Variants in MTFR2 observed in about 807,000 individuals in gnomAD.
MTFR2 encodes the protein mitochondrial fission regulator 2.
Under a neutral mutation model 41.2 loss-of-function variants are expected in MTFR2, and 44 were observed. The observed-to-expected ratio is 1.07, with a 90% CI of 0.84 to 1.37. The LOEUF is 1.37. MTFR2 is among the 40% of genes most tolerant of loss of function. MTFR2 has a pLI of 0.00. For synonymous variants in MTFR2, 141 were observed against 154.6 expected (o/e 0.91, Z 0.65); for missense variants, 452 against 459.5 (o/e 0.98, Z 0.15).
intron 5 of MTFR2, among the ~76,000 whole-genome samples, chr6:136,241,036 A>G (rs1204374460): frequency 1.3e-5 from 2 of 151,008 alleles, no homozygotes; most frequent in African/African-American, 2.5e-5. Flanking sequence ...GCTTGCAGTG[A>G]GCCAAGATCG....
intron 4 of MTFR2, 101 bp from the exon 5 acceptor site, chr6:136,241,777 CAAAAT>C: frequency 1.1e-6 from 1 of 916,382 alleles, no homozygotes; most frequent in Non-Finnish European, 1.6e-6. Context: ...GACAATAAAA[CAAAAT>C]AAAAGCTACT....
At chr6:136,233,851 C>CA (rs879267624) in intron 6 of MTFR2, among the ~76,000 whole-genome samples, 1,903 of 134,740 alleles carry the variant, frequency 0.014, 33 homozygotes, top group African/African-American at 0.045. Context: ...GAGTTCATGC[C>CA]AAAAAAAAAA....
chr6:136,242,996 T>C (rs1780121315), intron 3 of MTFR2, 23 bp from the exon 4 acceptor site: 4 of 1,545,744 alleles, frequency 2.6e-6, no homozygotes, highest in African/African-American at 1.4e-5. Context: ...AAGAAAAAAA[T>C]AGTCAGAGCT....
rs528272986 is a variant in MTFR2 at position 136,245,274 on chromosome 6, C to T, written c.64-405G>A. Among the ~76,000 whole-genome samples the T allele has an allele frequency of 7.6e-4, 116 of 151,848 alleles. 1 individual carries two copies. Among genetic ancestry groups the T allele is most frequent in the African/African-American group, 2.6e-3 (106 of 41,382 alleles). On this transcript the variant is annotated intron_variant, in intron 2 of 7. Coordinates refer to ENST00000420702, the MANE Select transcript of MTFR2 (RefSeq NM_001099286.3). ...TAGACAATTTCAAATTATCAAGCAA[C>T]GACGTAATATGGAGTATACTTATGT...
chr6:136,240,426 A>C (rs1452402708), intron 5 of MTFR2, among the ~76,000 whole-genome samples: 1 of 151,694 alleles, frequency 6.6e-6, no homozygotes, highest in Non-Finnish European at 1.5e-5. Flanking sequence ...ACACTGTATA[A>C]ATATCTTAAA....
intron 2 of MTFR2, among the ~76,000 whole-genome samples, chr6:136,248,287 C>T (rs779356173): frequency 1.2e-4 from 18 of 152,186 alleles, no homozygotes; most frequent in Non-Finnish European, 2.5e-4. Flanking sequence ...ATTTGATTTG[C>T]TTATGATATG....
chr6:136,237,478 T>C (rs1779937915), intron 6 of MTFR2, among the ~76,000 whole-genome samples: 2 of 152,136 alleles, frequency 1.3e-5, no homozygotes, highest in African/African-American at 4.8e-5. Flanking sequence ...AAAAAGATTT[T>C]AACAAGAAGC....
At chr6:136,239,892 T>C (rs186363904) in intron 5 of MTFR2, 72 bp from the exon 6 acceptor site, 14 of 1,315,230 alleles carry the variant, frequency 1.1e-5, no homozygotes, top group Admixed American at 5.6e-5. Context: ...ATAACACTAA[T>C]TAGAACCAAA....
chr6:136,241,149 A>G (rs1780060950), intron 5 of MTFR2, among the ~76,000 whole-genome samples: 1 of 152,092 alleles, frequency 6.6e-6, no homozygotes. Flanking sequence ...CAAAAATACA[A>G]TCTTCTAGTA....
Position 136,231,389 on chromosome 6 carries a change from C to A in MTFR2, c.1045-1G>T. ...CTGACTGTGAAATGTGATGTCCAAA[C>A]TGAAATAAAGCAAATATTTAACACA... On this transcript the variant is annotated splice_acceptor_variant, in intron 7 of 7. Transcript: ENST00000420702. LOFTEE classifies it high-confidence loss of function. 6.3e-7 allele frequency: 1 copy of A among 1,578,056 alleles called. No individual in the cohort carries two copies. Among genetic ancestry groups the A allele is most frequent in the Non-Finnish European group, 8.7e-7 (1 of 1,155,432 alleles).
At position 136,231,390 on chromosome 6, in the gene MTFR2, T is replaced by C. The variant is rs1247575082; in HGVS notation, c.1045-2A>G. On this transcript the variant is annotated splice_acceptor_variant, in intron 7 of 7. Transcript: ENST00000420702. LOFTEE classifies it high-confidence loss of function. Reference sequence around the variant, plus strand: ...TGACTGTGAAATGTGATGTCCAAACTGAAATAAAGCAAATATTTAACACAG... The same window carrying C: ...TGACTGTGAAATGTGATGTCCAAACCGAAATAAAGCAAATATTTAACACAG... 4 of 1,568,598 alleles carry C rather than the reference T, an allele frequency of 2.6e-6. No individual in the cohort carries two copies. Among genetic ancestry groups the C allele is most frequent in the Middle Eastern group, 1.7e-4 (1 of 5,770 alleles).
In MTFR2 at chr6:136,231,266, A is replaced by G. The variant is rs1480642053; in HGVS notation, c.*9T>C. The G allele has an allele frequency of 6.4e-7, 1 of 1,568,132 alleles. No homozygotes were observed. The highest frequency in any genetic ancestry group is 8.8e-7 in the Non-Finnish European group (1 of 1,142,688). On this transcript the variant is annotated 3_prime_UTR_variant, in exon 8 of 8. Transcript: ENST00000420702. Reference sequence around the variant, plus strand: ...TTTTGGAAGTTTAAAGCTCAACCTTAAGTTGAGTTTAAATCCTTGAGTTTA... The same window carrying G: ...TTTTGGAAGTTTAAAGCTCAACCTTGAGTTGAGTTTAAATCCTTGAGTTTA...
At chr6:136,246,707 C>A (rs910017073) in intron 2 of MTFR2, among the ~76,000 whole-genome samples, 1 of 152,138 alleles carries the variant, frequency 6.6e-6, no homozygotes, top group Non-Finnish European at 1.5e-5. Context: ...ATGTTCAATG[C>A]CACTCAAAAA....
chr6:136,249,516 GCCAAC>G (rs1424123278), intron 1 of MTFR2, among the ~76,000 whole-genome samples: 1 of 152,150 alleles, frequency 6.6e-6, no homozygotes, highest in East Asian at 1.9e-4. Flanking sequence ...GGTGAGTTTA[GCCAAC>G]CCTTGAAAGC....
chr6:136,245,110 T>C (rs1341765194), intron 2 of MTFR2, among the ~76,000 whole-genome samples: 2 of 152,252 alleles, frequency 1.3e-5, no homozygotes, highest in Admixed American at 1.3e-4. Flanking sequence ...CATATATACA[T>C]TCCAGGAAGA....
At chr6:136,244,982 T>A (rs914027716) in intron 2 of MTFR2, 113 bp from the exon 3 acceptor site, 3 of 666,308 alleles carry the variant, frequency 4.5e-6, no homozygotes, top group East Asian at 2.9e-5. Flanking sequence ...ATTTTTTTTT[T>A]AATACAGGGA....
chr6:136,232,405 C>T lies in MTFR2; in HGVS notation c.1044+920G>A, dbSNP rs548508772. Among the ~76,000 whole-genome samples, 8 of 152,250 alleles carry T rather than the reference C, an allele frequency of 5.3e-5. No individual in the cohort carries two copies. The South Asian group carries it at 8.3e-4, about 16-fold the overall frequency. ...GAGTAGCTGGAATTAATTACAGATGCGTGCCACCACACCCGGCTAATTTTC... is the reference window on the plus strand; with the variant it reads ...GAGTAGCTGGAATTAATTACAGATGTGTGCCACCACACCCGGCTAATTTTC... On this transcript the variant is annotated intron_variant, in intron 7 of 7. Coordinates refer to ENST00000420702, the MANE Select transcript of MTFR2 (RefSeq NM_001099286.3).
chr6:136,242,079 CAAAAAAAAAAAAAA>C (rs548176168), intron 4 of MTFR2, among the ~76,000 whole-genome samples: 4 of 17,500 alleles, frequency 2.3e-4, no homozygotes, highest in Non-Finnish European at 7.4e-4. Flanking sequence ...GACTCTGTCT[CAAAAAAAAAAAAAA>C]AAAAAAAAAA....
rs114903986 is a variant in MTFR2 at position 136,242,841 on chromosome 6, A to G, written c.281+20T>C. 1.2e-3 allele frequency: 1,908 copies of G among 1,572,398 alleles called. 15 individuals carry two copies. The African/African-American group carries it at 0.017, about 14-fold the overall frequency. ...AATTCAGTTTATAGCCCACTTCCCA[A>G]GATAAGCATATAAAATTACCGAAAT... is the stretch of plus-strand genomic sequence containing the variant. On this transcript the variant is annotated intron_variant, in intron 4 of 7. Coordinates refer to ENST00000420702, the MANE Select transcript of MTFR2 (RefSeq NM_001099286.3).
Sources: allele counts gnomAD v4.1 joint callset (sites outside exome capture counted in the v4.1 genomes callset), GRCh38; gene constraint gnomAD v4.1.1; transcripts MANE v1.5; gene names NCBI Gene and HGNC (gene_info 2026-07-23, HGNC 2026-07-21).